The following ALG13 variants were observed in gnomAD, a reference collection of about 807,000 sequenced individuals.
ALG13 encodes the protein UDP-N-acetylglucosamine transferase subunit ALG13.
Under a neutral mutation model 87.8 loss-of-function variants are expected in ALG13, and 11 were observed. The observed-to-expected ratio is 0.13, with a 90% confidence interval of 0.08 to 0.21. The LOEUF is 0.21. Ranked by LOEUF, ALG13 falls within the 10% of genes least tolerant of loss-of-function variation. The pLI is 1.00. For synonymous variants in ALG13, 320 were observed against 306.3 expected (o/e 1.04, Z -0.47); for missense variants, 756 against 866.1 (o/e 0.87, Z 1.60).
chrX:111,711,697 A>G lies in ALG13; in HGVS notation c.857A>G (p.Lys286Arg), dbSNP rs765500818. The G allele has an allele frequency of 1.2e-5, 15 of 1,207,704 alleles. No homozygotes were observed. The East Asian group carries it at 2.4e-4, about 19-fold the overall frequency. ...AAGTATGTGGAGGGATCTTTTGAGA[A>G]ATACCTGGAACGGTTGGGAGATCCC... ...FESYVEGSFE[K>R]YLERLGDPKE... Residue 286 changes from lysine (K) to arginine (R), a missense_variant, in exon 6 of 27, where the codon AAA becomes AGA. By Grantham distance (26) the Lys-to-Arg change is conservative. This residue lies in a region of ALG13 where 60 missense variants were observed against 54.5 expected (regional missense o/e 1.10). Transcript: ENST00000394780.
At chrX:111,741,337 A>G (rs1943719316) in intron 23 of ALG13, among the ~76,000 whole-genome samples, 1 of 111,797 alleles carries the variant, frequency 8.9e-6, no homozygotes, top group African/African-American at 3.3e-5. Context: ...CTGCTGTTCA[A>G]GGATGCACAT....
chrX:111,759,144 A>AT (rs60549732), intron 26 of ALG13, among the ~76,000 whole-genome samples: 2,871 of 92,661 alleles, frequency 0.031, 65 homozygotes, highest in Admixed American at 0.083. Flanking sequence ...CAAGTAATGA[A>AT]TTTTTTTTTT....
At chrX:111,695,522 TA>T (rs750000273) in intron 3 of ALG13, among the ~76,000 whole-genome samples, 109 of 92,453 alleles carry the variant, frequency 1.2e-3, no homozygotes, top group Admixed American at 2.0e-3. Context: ...AAACTCTGTT[TA>T]AAAAAAAAAA....
In ALG13 at chrX:111,708,222, T is replaced by G; in HGVS notation, c.579T>G (p.Phe193Leu). 1 of 1,211,367 alleles carries G rather than the reference T, an allele frequency of 8.3e-7. No individual in the cohort carries two copies. The highest frequency in any genetic ancestry group is 1.1e-6 in the Non-Finnish European group (1 of 895,333). The change falls in exon 4 of 27, where the codon TTT becomes TTG. Residue 193 changes from phenylalanine (F) to leucine (L), a missense_variant. Around this residue, in one of 9 missense-constraint regions of ALG13, gnomAD observed 153 missense variants for 168.7 expected, o/e 0.91. Transcript: ENST00000394780. ...TLLFPSCHAF[F>L]PLPLTPTLYK... Reference sequence around the variant, plus strand: ...TTTTTCCCTCTTGCCACGCTTTTTTTCCTCTCCCTCTTACCCCCACCCTGT... The same window carrying G: ...TTTTTCCCTCTTGCCACGCTTTTTTGCCTCTCCCTCTTACCCCCACCCTGT...
At chrX:111,695,078 G>T (rs1381943644) in intron 3 of ALG13, among the ~76,000 whole-genome samples, 1 of 111,864 alleles carries the variant, frequency 8.9e-6, no homozygotes, top group East Asian at 2.8e-4. Flanking sequence ...CTCATACTCA[G>T]TTTCTAATTG....
chrX:111,733,729 G>T (rs1942955603), intron 21 of ALG13, among the ~76,000 whole-genome samples: 1 of 111,191 alleles, frequency 9.0e-6, no homozygotes, highest in Admixed American at 9.6e-5. Context: ...GTTTTCCATA[G>T]TGGAAAACAG....
At chrX:111,693,876 C>T (rs1204715636) in intron 3 of ALG13, among the ~76,000 whole-genome samples, 3 of 110,409 alleles carry the variant, frequency 2.7e-5, no homozygotes, top group Non-Finnish European at 5.7e-5. Context: ...ACCTCATGGC[C>T]CCGGGTTAAG....
At chrX:111,694,736 C>G (rs1936717148) in intron 3 of ALG13, among the ~76,000 whole-genome samples, 1 of 111,888 alleles carries the variant, frequency 8.9e-6, no homozygotes, top group Non-Finnish European at 1.9e-5. Context: ...ACATACTGGT[C>G]AATTCTCCAC....
chrX:111,731,193 C>T (rs1297564020), intron 21 of ALG13, among the ~76,000 whole-genome samples: 1 of 112,033 alleles, frequency 8.9e-6, no homozygotes, highest in Non-Finnish European at 1.9e-5. Context: ...ATGTCCCATT[C>T]AGTGTAATCA....
In ALG13 at chrX:111,688,609, T is replaced by A. The variant is rs1444463048; in HGVS notation, c.383+3506T>A. ...TACAAAGTGATAAAATAATCGTGCCTAATGTCAAAACTTTACTGGTTTGAG... is the reference window on the plus strand; with the variant it reads ...TACAAAGTGATAAAATAATCGTGCCAAATGTCAAAACTTTACTGGTTTGAG... On this transcript the variant is annotated intron_variant, in intron 3 of 26. Coordinates refer to ENST00000394780, the MANE Select transcript of ALG13 (RefSeq NM_001099922.3). 4.0e-6 allele frequency: 3 copies of A among 746,883 alleles called. No individual in the cohort carries two copies. In the East Asian group the frequency reaches 4.6e-4, roughly 114 times the overall value. 61.6% of individuals were successfully genotyped at this position (746,883 alleles called of 1,213,427 possible).
At position 111,709,332 on chromosome X, in the gene ALG13, CT is replaced by C. The variant is rs1185948478; in HGVS notation, c.834+285del. ...ACCCTAAAAAGTTATGTTTTGATTG[CT>C]GTTTTATATTATCCATACAGTTTTA... On this transcript the variant is annotated intron_variant, in intron 5 of 26. Transcript: ENST00000394780. Among the ~76,000 whole-genome samples, 3 of 112,266 alleles carry C rather than the reference CT, an allele frequency of 2.7e-5. No individual in the cohort carries two copies. In the Admixed American group the frequency reaches 2.8e-4, roughly 11 times the overall value.
intron 24 of ALG13, among the ~76,000 whole-genome samples, chrX:111,751,417 T>TG (rs1944738545): frequency 8.9e-6 from 1 of 111,913 alleles, no homozygotes; most frequent in Non-Finnish European, 1.9e-5. Context: ...ACCAAAAAAT[T>TG]GGTGTGACTC....
chrX:111,693,773 A>G (rs1893365803), intron 3 of ALG13, among the ~76,000 whole-genome samples: 1 of 110,807 alleles, frequency 9.0e-6, no homozygotes, highest in Non-Finnish European at 1.9e-5. Context: ...GTGGTTCTTA[A>G]GCTTCTTTCA....
At position 111,717,910 on chromosome X, in the gene ALG13, G is replaced by A. The variant is rs759717434; in HGVS notation, c.1070G>A (p.Ser357Asn). The A allele has an allele frequency of 2.5e-6, 3 of 1,206,047 alleles. No individual in the cohort carries two copies. Among genetic ancestry groups the A allele is most frequent in the Non-Finnish European group, 3.4e-6 (3 of 891,814 alleles). Residue 357 changes from serine (S) to asparagine (N), a missense_variant, in exon 9 of 27, where the codon AGT (serine) becomes AAT (asparagine). Around this residue, in one of 9 missense-constraint regions of ALG13, gnomAD observed 4 missense variants for 17.2 expected, o/e 0.23. Coordinates refer to ENST00000394780, the MANE Select transcript of ALG13 (RefSeq NM_001099922.3). The stretch of plus-strand genomic sequence containing the variant: ...GTGTACTCAAAACAATTTCAGTCAA[G>A]TGCAGCTGTTTGTCAGGGTATGTGA... ...DSVYSKQFQSSAAVCQAVLYE... is the reference protein window; with the variant it reads ...DSVYSKQFQSNAAVCQAVLYE...
At position 111,685,283 on chromosome X, in the gene ALG13, T is replaced by G. The variant is rs967804146; in HGVS notation, c.383+180T>G. 7.2e-5 allele frequency: 33 copies of G among 456,995 alleles called. No homozygotes were observed. The South Asian group carries it at 1.2e-3, about 17-fold the overall frequency. The allele number at this position is 456,995 out of a possible 1,213,427, so 37.7% of individuals were successfully genotyped here. On this transcript the variant is annotated intron_variant, in intron 3 of 26. Transcript: ENST00000394780. ...TTTGTCTCCCATTTTGCAATCTCTG[T>G]GTTGTATTTCTATGTGTATCTGTGG...
intron 9 of ALG13, 79 bp downstream of exon 9, chrX:111,718,006 T>A: frequency 9.3e-7 from 1 of 1,077,992 alleles, no homozygotes; most frequent in Non-Finnish European, 1.3e-6. Context: ...GAATAGCCCC[T>A]TTAAAACCTT....
At chrX:111,694,411 A>G (rs753177739) in intron 3 of ALG13, among the ~76,000 whole-genome samples, 1 of 112,485 alleles carries the variant, frequency 8.9e-6, no homozygotes, top group African/African-American at 3.2e-5. Flanking sequence ...ATACTAGCCA[A>G]TACATTTTTG....
intron 24 of ALG13, among the ~76,000 whole-genome samples, chrX:111,745,124 CTGTTT>C (rs756641137): frequency 1.6e-3 from 182 of 111,095 alleles, no homozygotes; most frequent in African/African-American, 4.3e-3. Flanking sequence ...ACGTGTGCTG[CTGTTT>C]TGTTTTGTTT....
Position 111,757,568 on chromosome X carries a change from G to A in ALG13, c.2974-20G>A. ...GAAGAGTGAAGTTTCTTATTTTTTT[G>A]TTGCCCTTTCTTGCTCAAGTGCTAT... On this transcript the variant is annotated intron_variant, in intron 25 of 26. Coordinates refer to ENST00000394780, the MANE Select transcript of ALG13 (RefSeq NM_001099922.3). The A allele has an allele frequency of 9.1e-7, 1 of 1,093,837 alleles. No homozygotes were observed. The highest frequency in any genetic ancestry group is 1.2e-6 in the Non-Finnish European group (1 of 830,840). 90.1% of individuals were successfully genotyped at this position (1,093,837 alleles called of 1,213,427 possible).
Sources: allele counts gnomAD v4.1 joint callset (sites outside exome capture counted in the v4.1 genomes callset), GRCh38; gene constraint gnomAD v4.1.1; regional missense constraint gnomAD v4.1.1; transcripts MANE v1.5; gene names NCBI Gene and HGNC (gene_info 2026-07-23, HGNC 2026-07-21).